ARHGAP39: variants seen among roughly 807,000 people sequenced by gnomAD.
The protein encoded by ARHGAP39 is Rho GTPase activating protein 39.
In ARHGAP39, 44 loss-of-function variants were observed where a neutral mutation model predicts 106.9. The ratio of observed to expected loss-of-function variants is 0.41; its 90% CI spans 0.32 to 0.53. ARHGAP39 has a LOEUF of 0.53. Among genes scored for constraint, ARHGAP39 ranks in the 20% least tolerant of loss-of-function variants. The pLI is 0.21. For synonymous variants in ARHGAP39, 768 were observed against 693.2 expected (o/e 1.11, Z -1.69); for missense variants, 1,496 against 1,577.3 (o/e 0.95, Z 0.87).
chr8:144,595,405 T>C (rs759820147), intron 2 of ARHGAP39, among the ~76,000 whole-genome samples: 1 of 152,106 alleles, frequency 6.6e-6, no homozygotes, highest in Non-Finnish European at 1.5e-5. Context: ...CGGCCCGCCG[T>C]GCCCGAGGCT....
intron 1 of ARHGAP39, among the ~76,000 whole-genome samples, chr8:144,617,966 G>C (rs1026775211): frequency 1.3e-5 from 2 of 152,046 alleles, no homozygotes; most frequent in Non-Finnish European, 2.9e-5. Context: ...ATTTTTTCTA[G>C]AGATGGGGTC....
intron 2 of ARHGAP39, among the ~76,000 whole-genome samples, chr8:144,602,723 T>A (rs1404842334): frequency 1.5e-5 from 2 of 135,074 alleles, no homozygotes; most frequent in Non-Finnish European, 3.1e-5. Flanking sequence ...TGCGCTCGTG[T>A]ACCTGTGTGT....
intron 1 of ARHGAP39, among the ~76,000 whole-genome samples, chr8:144,665,747 G>C (rs924499659): frequency 7.9e-5 from 12 of 152,250 alleles, no homozygotes; most frequent in Admixed American, 2.6e-4. Flanking sequence ...TTCAGAAGAT[G>C]TATGGAAACG....
Position 144,576,811 on chromosome 8 carries a change from G to A in ARHGAP39, c.512+4035C>T, listed in dbSNP as rs1019655364. Among the ~76,000 whole-genome samples the A allele has an allele frequency of 3.4e-4, 52 of 152,084 alleles. 2 individuals carry two copies. Among genetic ancestry groups the A allele is most frequent in the Admixed American group, 3.2e-3 (49 of 15,264 alleles). On this transcript the variant is annotated intron_variant, in intron 3 of 11. Transcript: ENST00000377307. The stretch of plus-strand genomic sequence containing the variant: ...ATGTTAACGCCAAGTCCGCTCGTCC[G>A]CTTGTTTCTTAAAATGATTCACGAT...
chr8:144,595,409 C>T (rs1164716129), intron 2 of ARHGAP39, among the ~76,000 whole-genome samples: 1 of 152,078 alleles, frequency 6.6e-6, no homozygotes, highest in Non-Finnish European at 1.5e-5. Context: ...CCGCCGTGCC[C>T]GAGGCTGGGG....
rs557349864 is a variant in ARHGAP39 at position 144,644,916 on chromosome 8, A to T, written c.-81-39221T>A. 3.3e-4 allele frequency among the ~76,000 whole-genome samples: 50 copies of T among 152,312 alleles called. No individual in the cohort carries two copies. Among genetic ancestry groups the T allele is most frequent in the Non-Finnish European group, 4.7e-4 (32 of 68,018 alleles). The stretch of plus-strand genomic sequence containing the variant: ...CATCTCATCAGACTCTGCCCCTAGC[A>T]GGTCCTCTGCTCCGTGCTGCCACAC... On this transcript the variant is annotated intron_variant, in intron 1 of 11. Transcript: ENST00000377307. This position sits in a 1 kb window ranked among gnomAD's most constrained non-coding sequence, Gnocchi z 4.8.
chr8:144,537,895 G>A (rs921530772), intron 6 of ARHGAP39, 82 bp from the exon 7 acceptor site: 6 of 1,289,216 alleles, frequency 4.7e-6, no homozygotes, highest in Non-Finnish European at 6.7e-6. Flanking sequence ...CTTGGCTGGT[G>A]AGCAGGCCCC....
intron 1 of ARHGAP39, among the ~76,000 whole-genome samples, chr8:144,668,780 C>T (rs540974038): frequency 1.3e-5 from 2 of 152,014 alleles, no homozygotes; most frequent in South Asian, 4.2e-4. Context: ...GTCAAGCTTG[C>T]TGAAAAAAAA....
rs1820768416 is a variant in ARHGAP39, at chr8:144,620,306, CGTGTGTGCCCGTGTCTGTT to C, written c.-81-14630_-81-14612del. Among the ~76,000 whole-genome samples the C allele has an allele frequency of 1.8e-4, 8 of 44,246 alleles. 2 individuals carry two copies. Among genetic ancestry groups the C allele is most frequent in the African/African-American group, 6.0e-4 (6 of 9,940 alleles). The allele number at this position is 44,246 out of a possible 152,430, so 29.0% of individuals were successfully genotyped here. A position where few individuals can be genotyped will look rare whatever the true frequency, so the allele number is the denominator to read the frequency against. ...CTGTTAGCCTGTGTGTCCAAGGGAG[CGTGTGTGCCCGTGTCTGTT>C]AGCCTGTGTGTCCAAGGGAGCGTGT... On this transcript the variant is annotated intron_variant, in intron 1 of 11. Transcript: ENST00000377307.
At chr8:144,560,358 C>A (rs1039492109) in intron 3 of ARHGAP39, among the ~76,000 whole-genome samples, 4 of 151,872 alleles carry the variant, frequency 2.6e-5, no homozygotes, top group Admixed American at 6.6e-5. Context: ...TCGCTTGAAC[C>A]CAAGAGGCAG....
rs944778084 is a variant in ARHGAP39 at position 144,585,901 on chromosome 8, AG to A, written c.81-4625del. 5.3e-5 allele frequency among the ~76,000 whole-genome samples: 8 copies of A among 152,126 alleles called. No homozygotes were observed. The highest frequency in any genetic ancestry group is 1.9e-4 in the African/African-American group (8 of 41,434). ...TTCCCCCTGGAGCCGGCTCTCCCCG[AG>A]GGACAGATGGGGCATCCCTGCACCC... On this transcript the variant is annotated intron_variant, in intron 2 of 11. Transcript: ENST00000377307. The surrounding 1 kb of genome is among the most constrained non-coding windows in gnomAD (Gnocchi z 4.6).
intron 7 of ARHGAP39, among the ~76,000 whole-genome samples, chr8:144,535,722 A>G (rs1485319968): frequency 6.6e-6 from 1 of 152,204 alleles, no homozygotes; most frequent in Non-Finnish European, 1.5e-5. Flanking sequence ...CCCCAGCCTG[A>G]GCCTGCTTGG....
At chr8:144,685,266 C>G (rs1586658295) in intron 1 of ARHGAP39, among the ~76,000 whole-genome samples, 1 of 146,054 alleles carries the variant, frequency 6.8e-6, no homozygotes, top group Non-Finnish European at 1.5e-5. Context: ...CACACTCACT[C>G]TGGACAGGGG....
chr8:144,537,852 A>G, intron 6 of ARHGAP39, 39 bp from the exon 7 acceptor site: 1 of 1,591,618 alleles, frequency 6.3e-7, no homozygotes, highest in Non-Finnish European at 8.6e-7. Context: ...ACAGAACAAA[A>G]CGCCAGGAGC....
chr8:144,689,264 AG>A (rs1050825229), upstream of ARHGAP39, among the ~76,000 whole-genome samples: 25 of 151,974 alleles, frequency 1.6e-4, no homozygotes, highest in African/African-American at 5.1e-4. Context: ...ACTAGAAGTA[AG>A]TTTGACTTTT....
intron 1 of ARHGAP39, among the ~76,000 whole-genome samples, chr8:144,649,385 A>G (rs1015626647): frequency 6.6e-6 from 1 of 152,002 alleles, no homozygotes; most frequent in Non-Finnish European, 1.5e-5. Flanking sequence ...AGGAGGCAGA[A>G]CTTGCAGTGA....
intron 1 of ARHGAP39, among the ~76,000 whole-genome samples, chr8:144,620,675 G>T (rs1820781639): frequency 6.6e-6 from 1 of 152,260 alleles, no homozygotes; most frequent in Non-Finnish European, 1.5e-5. Flanking sequence ...CCTTGCAAGA[G>T]TGATGGCTCC....
rs1274377845 is a variant in ARHGAP39, at chr8:144,684,512, G to A, written c.-82+1174C>T. On this transcript the variant is annotated intron_variant, in intron 1 of 11. Coordinates refer to ENST00000377307, the MANE Select transcript of ARHGAP39 (RefSeq NM_025251.3). This position sits in a 1 kb window ranked among gnomAD's most constrained non-coding sequence, Gnocchi z 4.4. ...GGTCACTGGAGGTCTGGTTAAACCC[G>A]TACAGCACTGAGGGGGAGGGGGCCC... Among the ~76,000 whole-genome samples, 1 of 152,218 alleles carries A rather than the reference G, an allele frequency of 6.6e-6. No individual in the cohort carries two copies. Among genetic ancestry groups the A allele is most frequent in the Non-Finnish European group, 1.5e-5 (1 of 68,024 alleles).
In ARHGAP39 at chr8:144,684,021, T is replaced by A. The variant is rs140694623; in HGVS notation, c.-82+1665A>T. On this transcript the variant is annotated intron_variant, in intron 1 of 11. Coordinates refer to ENST00000377307, the MANE Select transcript of ARHGAP39 (RefSeq NM_025251.3). This position sits in a 1 kb window ranked among gnomAD's most constrained non-coding sequence, Gnocchi z 4.4. ...ATTATTAGTGTTCCCATTTTACAGA[T>A]GAGAAGCCAAAGGCACAGAGACCTT... is the stretch of plus-strand genomic sequence containing the variant. 5.5e-4 allele frequency among the ~76,000 whole-genome samples: 83 copies of A among 152,274 alleles called. No individual in the cohort carries two copies. In the East Asian group the frequency reaches 0.015, roughly 28 times the overall value.
Sources: allele counts gnomAD v4.1 joint callset (sites outside exome capture counted in the v4.1 genomes callset), GRCh38; gene constraint gnomAD v4.1.1; non-coding constraint Gnocchi (gnomAD v3.1); transcripts MANE v1.5; gene names NCBI Gene and HGNC (gene_info 2026-07-23, HGNC 2026-07-21).